CDIN1: variants seen among roughly 807,000 people sequenced by gnomAD.
CDIN1 encodes the protein CDAN1-interacting nuclease 1.
CDIN1 carries 33 observed loss-of-function variants against 45.3 expected under a neutral mutation model. The observed-to-expected ratio is 0.73, with a 90% CI of 0.55 to 0.97. The LOEUF is 0.97. Ranked by LOEUF, CDIN1 falls within the 50% of genes least tolerant of loss-of-function variation. The probability of loss-of-function intolerance (pLI) is 0.00; values close to 1 mark genes in which losing one functional copy is unlikely to be tolerated. For missense variants in CDIN1, 303 were observed against 339.4 expected, an observed-to-expected ratio of 0.89 and a Z score of 0.84; for synonymous variants, 118 against 124.4, an observed-to-expected ratio of 0.95 and a Z score of 0.34.
chr15:36,584,023 C>G (rs1008324327), intron 1 of CDIN1, among the ~76,000 whole-genome samples: 3 of 151,858 alleles, frequency 2.0e-5, no homozygotes, highest in African/African-American at 4.8e-5. Flanking sequence ...CTCAAAAAAA[C>G]CATAAAAAAT....
At chr15:36,796,500 G>A (rs895910137) in intron 10 of CDIN1, among the ~76,000 whole-genome samples, 2 of 152,182 alleles carry the variant, frequency 1.3e-5, no homozygotes, top group African/African-American at 4.8e-5. Context: ...AAGAATGACA[G>A]GTAAGATATT....
Position 36,808,442 on chromosome 15 carries a change from A to G in CDIN1, c.835A>G (p.Ser279Gly), listed in dbSNP as rs377177688. Residue 279 changes from serine (S) to glycine (G), a missense_variant, in exon 11 of 11, where the codon AGC (serine) becomes GGC (glycine). By Grantham distance (56) the Ser-to-Gly change is moderately conservative (BLOSUM62 0). Transcript: ENST00000566621. ...CACGAACATTGTCACCTTATGCCAC[A>G]GCATAGCTTGACCCTGAAGATCCTG... ...FPTNIVTLCHSIA is the reference protein window; with the variant it reads ...FPTNIVTLCHGIA 29 of 1,613,358 alleles carry G rather than the reference A, an allele frequency of 1.8e-5. 1 individual carries two copies. The South Asian group carries it at 2.6e-4, about 15-fold the overall frequency.
At chr15:36,651,256 A>C (rs1190174518) in intron 3 of CDIN1, among the ~76,000 whole-genome samples, 4 of 152,130 alleles carry the variant, frequency 2.6e-5, no homozygotes, top group African/African-American at 9.6e-5. Flanking sequence ...ATGAAGGTTC[A>C]ACATTCATTT....
At chr15:36,800,905 G>GTA (rs1437486563) in intron 10 of CDIN1, among the ~76,000 whole-genome samples, 145 of 22,072 alleles carry the variant, frequency 6.6e-3, no homozygotes, top group South Asian at 0.012. Flanking sequence ...GTGTGTGTGT[G>GTA]TGTGTATATA....
At position 36,790,017 on chromosome 15, in the gene CDIN1, T is replaced by A. The variant is rs556905614; in HGVS notation, c.717-18307T>A. Among the ~76,000 whole-genome samples the A allele has an allele frequency of 7.9e-5, 12 of 152,262 alleles. 1 individual carries two copies. The South Asian group carries it at 2.5e-3, about 32-fold the overall frequency. On this transcript the variant is annotated intron_variant, in intron 10 of 10. Coordinates refer to ENST00000566621, the MANE Select transcript of CDIN1 (RefSeq NM_001321759.2). ...GGGAGCTGTGGGTGATTGATCTACGTTTGTTATATCATGAAAATAGACTGA... is the reference window on the plus strand; with the variant it reads ...GGGAGCTGTGGGTGATTGATCTACGATTGTTATATCATGAAAATAGACTGA...
chr15:36,702,769 G>C (rs765227742), intron 8 of CDIN1, among the ~76,000 whole-genome samples: 21 of 152,146 alleles, frequency 1.4e-4, no homozygotes, highest in Admixed American at 5.9e-4. Flanking sequence ...GTCCTTTTTG[G>C]GTTCTGCTCT....
chr15:36,805,168 C>T (rs8040512), intron 10 of CDIN1, among the ~76,000 whole-genome samples: 6,685 of 152,148 alleles, frequency 0.044, 524 homozygotes, highest in African/African-American at 0.15. Context: ...ACATTCTAGT[C>T]GCTGCTTCCC....
chr15:36,626,727 CT>C, intron 1 of CDIN1: 2 of 427,062 alleles, frequency 4.7e-6, no homozygotes, highest in South Asian at 1.8e-5. Context: ...TGAAAATATC[CT>C]TTCAGATTGA....
At chr15:36,634,790 A>G (rs540510703) in intron 1 of CDIN1, among the ~76,000 whole-genome samples, 12 of 152,268 alleles carry the variant, frequency 7.9e-5, no homozygotes, top group Admixed American at 3.3e-4. Context: ...CTTTTTTCCT[A>G]AAGTCCAGTT....
intron 1 of CDIN1, chr15:36,614,303 T>C (rs2038784886): frequency 1.7e-6 from 1 of 577,508 alleles, no homozygotes; most frequent in Non-Finnish European, 3.4e-6. Flanking sequence ...GATCTTTAAC[T>C]GGAAGGCTGC....
chr15:36,767,338 T>C (rs545306887), intron 10 of CDIN1, among the ~76,000 whole-genome samples: 24 of 152,294 alleles, frequency 1.6e-4, no homozygotes, highest in African/African-American at 5.5e-4. Context: ...CTGAGTCAGA[T>C]CTGAGCATAA....
At chr15:36,693,971 C>T (rs1369750340) in intron 7 of CDIN1, among the ~76,000 whole-genome samples, 2 of 152,096 alleles carry the variant, frequency 1.3e-5, no homozygotes, top group Non-Finnish European at 2.9e-5. Context: ...AAGATAATGA[C>T]GTATGTCTAT....
chr15:36,743,072 T>C (rs1191843072), intron 10 of CDIN1, among the ~76,000 whole-genome samples: 1 of 152,180 alleles, frequency 6.6e-6, no homozygotes, highest in Non-Finnish European at 1.5e-5. Flanking sequence ...AAAGAAATGG[T>C]AAGTAACTTT....
intron 10 of CDIN1, among the ~76,000 whole-genome samples, chr15:36,720,135 T>G (rs895908930): frequency 1.7e-4 from 25 of 151,126 alleles, no homozygotes; most frequent in Admixed American, 7.3e-4. Flanking sequence ...ATTTTCTTTT[T>G]GTGTATTAAT....
At chr15:36,714,328 G>A (rs908496705) in intron 10 of CDIN1, among the ~76,000 whole-genome samples, 5 of 152,032 alleles carry the variant, frequency 3.3e-5, no homozygotes, top group African/African-American at 9.7e-5. Flanking sequence ...TCTTATGTTG[G>A]TCGGTTGCTT....
intron 10 of CDIN1, among the ~76,000 whole-genome samples, chr15:36,740,731 A>G (rs968950679): frequency 1.3e-5 from 2 of 152,094 alleles, no homozygotes; most frequent in Non-Finnish European, 2.9e-5. Flanking sequence ...TCCCGTAAAA[A>G]TACAAAAATC....
intron 5 of CDIN1, among the ~76,000 whole-genome samples, chr15:36,669,958 C>T (rs371140448): frequency 4.3e-4 from 66 of 152,136 alleles, no homozygotes; most frequent in African/African-American, 1.6e-3. Flanking sequence ...TTTCCATACT[C>T]TCTTCTTTGG....
chr15:36,688,451 GTC>G (rs1197102516), intron 5 of CDIN1, among the ~76,000 whole-genome samples: 8 of 152,130 alleles, frequency 5.3e-5, no homozygotes, highest in Non-Finnish European at 1.0e-4. Flanking sequence ...CAGGTACCAA[GTC>G]TCTCCTATTC....
intron 10 of CDIN1, among the ~76,000 whole-genome samples, chr15:36,746,202 C>G (rs1191303758): frequency 6.6e-6 from 1 of 151,938 alleles, no homozygotes; most frequent in Non-Finnish European, 1.5e-5. Flanking sequence ...ATGTAGAAGA[C>G]CAATTAGAGG....
Sources: gnomAD v4.1 joint callset for allele counts (sites outside exome capture counted in the v4.1 genomes callset) on GRCh38, gnomAD v4.1.1 for gene constraint, MANE v1.5 for transcripts, NCBI Gene and HGNC (gene_info 2026-07-23, HGNC 2026-07-21) for gene names.